Variants in ZNF248 observed in about 807,000 individuals in gnomAD.
ZNF248 encodes KRAB protein domain.
Under a neutral mutation model 44.3 loss-of-function variants are expected in ZNF248, and 20 were observed. The observed-to-expected ratio is 0.45, with a 90% confidence interval of 0.32 to 0.66. ZNF248 has a LOEUF of 0.66. Ranked by LOEUF, ZNF248 falls within the 30% of genes least tolerant of loss-of-function variation. The pLI is 0.04. For missense variants in ZNF248, 654 were observed against 677.0 expected, an observed-to-expected ratio of 0.97 and a Z score of 0.38; for synonymous variants, 224 against 229.0, an observed-to-expected ratio of 0.98 and a Z score of 0.20.
chr10:37,826,642 TA>T (rs1441057454), downstream of ZNF248, among the ~76,000 whole-genome samples: 1 of 152,176 alleles, frequency 6.6e-6, no homozygotes, highest in Non-Finnish European at 1.5e-5. Context: ...CTGAGAAAAC[TA>T]AAAACCATAC....
At chr10:37,813,486 ACTC>A (rs1673440405) in intron 6 of ZNF248, among the ~76,000 whole-genome samples, 1 of 151,632 alleles carries the variant, frequency 6.6e-6, no homozygotes, top group Non-Finnish European at 1.5e-5. Context: ...AGCAAGACTG[ACTC>A]CTCCTCTCCC....
chr10:37,789,512 C>G (rs986480428), intron 6 of ZNF248, among the ~76,000 whole-genome samples: 6 of 151,924 alleles, frequency 3.9e-5, no homozygotes, highest in African/African-American at 1.5e-4. Flanking sequence ...TTTGATAACC[C>G]CTTCTCAGTG....
chr10:37,856,371 C>T, intron 2 of ZNF248, 34 bp from the exon 3 acceptor site: 1 of 1,609,308 alleles, frequency 6.2e-7, no homozygotes, highest in Non-Finnish European at 8.5e-7. Flanking sequence ...GTCAGGAGAG[C>T]CTTCGCCGGC....
chr10:37,827,760 C>G (rs2054615037), downstream of ZNF248, among the ~76,000 whole-genome samples: 1 of 152,132 alleles, frequency 6.6e-6, no homozygotes, highest in Non-Finnish European at 1.5e-5. Flanking sequence ...CAGAAGCAAA[C>G]AGGGGTAGGG....
At chr10:37,849,788 G>A (rs1033947758) in intron 3 of ZNF248, among the ~76,000 whole-genome samples, 1 of 152,016 alleles carries the variant, frequency 6.6e-6, no homozygotes, top group African/African-American at 2.4e-5. Flanking sequence ...AAGAAGTTCA[G>A]GGGGCCGGAT....
Position 37,838,097 on chromosome 10 carries a change from G to A in ZNF248, c.30C>T (p.Phe10=). ...GAGTGAAGTCCACACATACATCCTT[G>A]AATGACACTTGTTCCTGTAATAGTA... MNKSQEQVS[F]KDVCVDFTQE... Residue 10 remains phenylalanine, a synonymous_variant, in exon 4 of 6, where the codon TTC becomes TTT. Transcript: ENST00000395867. The A allele has an allele frequency of 6.2e-7, 1 of 1,612,546 alleles. No individual in the cohort carries two copies. The highest frequency in any genetic ancestry group is 8.5e-7 in the Non-Finnish European group (1 of 1,179,112).
chr10:37,807,128 T>G (rs1029987028), intron 6 of ZNF248, among the ~76,000 whole-genome samples: 3 of 151,976 alleles, frequency 2.0e-5, no homozygotes, highest in Admixed American at 1.3e-4. Flanking sequence ...GGATTACAGG[T>G]ATGTGCCGCC....
chr10:37,803,475 G>A (rs1256174149), intron 6 of ZNF248: 1 of 152,212 alleles, frequency 6.6e-6, no homozygotes, highest in Admixed American at 6.5e-5. Flanking sequence ...AGTCTGCCAT[G>A]GTTTCTGCAT....
chr10:37,775,504 C>T (rs2046518294), downstream of ZNF248: 1 of 152,092 alleles, frequency 6.6e-6, no homozygotes, highest in Non-Finnish European at 1.5e-5. Flanking sequence ...TGGTTACACA[C>T]TCGTCTATGG....
At chr10:37,844,903 C>A (rs916384162) in intron 3 of ZNF248, among the ~76,000 whole-genome samples, 1 of 101,226 alleles carries the variant, frequency 9.9e-6, no homozygotes, top group Non-Finnish European at 2.2e-5. Flanking sequence ...CTTTCCTTTT[C>A]TTTTCCCTTC....
downstream of ZNF248, among the ~76,000 whole-genome samples, chr10:37,774,091 T>A (rs1564442347): frequency 6.6e-6 from 1 of 152,240 alleles, no homozygotes; most frequent in South Asian, 2.1e-4. Context: ...TTATTTTTCT[T>A]CATCTTAAAG....
At chr10:37,820,419 G>C in intron 6 of ZNF248, 1 of 1,541,460 alleles carries the variant, frequency 6.5e-7, no homozygotes, top group Non-Finnish European at 9.0e-7. Flanking sequence ...AGAGCAGACT[G>C]CTCCTCCGTT....
chr10:37,855,690 A>G (rs2061164731), intron 3 of ZNF248, among the ~76,000 whole-genome samples: 1 of 152,270 alleles, frequency 6.6e-6, no homozygotes, highest in South Asian at 2.1e-4. Context: ...TGCAAAGGCA[A>G]AAACATGCAC....
At chr10:37,767,620 A>G in the ZNF248 span, among the ~76,000 whole-genome samples, 2 of 152,302 alleles carry the variant, frequency 1.3e-5, no homozygotes, top group African/African-American at 2.4e-5. Context: ...AGCTCCTGAA[A>G]GACGCACTAA....
chr10:37,785,836 AGATT>A (rs1376395642), intron 6 of ZNF248, among the ~76,000 whole-genome samples: 4 of 152,238 alleles, frequency 2.6e-5, no homozygotes, highest in African/African-American at 9.6e-5. Context: ...ATTGGTAAAT[AGATT>A]GATTGGTTGG....
chr10:37,836,101 C>G (rs567364447), intron 5 of ZNF248, among the ~76,000 whole-genome samples: 51 of 152,202 alleles, frequency 3.4e-4, no homozygotes, highest in Non-Finnish European at 6.8e-4. Flanking sequence ...AATCTGAAAG[C>G]AAATGTTCTT....
chr10:37,810,260 G>T (rs2051281229), intron 6 of ZNF248, among the ~76,000 whole-genome samples: 1 of 152,094 alleles, frequency 6.6e-6, no homozygotes, highest in African/African-American at 2.4e-5. Flanking sequence ...TCCATTATTG[G>T]AACGACATAT....
intron 3 of ZNF248, among the ~76,000 whole-genome samples, chr10:37,852,579 C>T (rs992436514): frequency 6.0e-5 from 9 of 149,066 alleles, no homozygotes; most frequent in African/African-American, 1.7e-4. Flanking sequence ...AGTGGATAAA[C>T]GAATCTAATT....
chr10:37,833,936 G>C (rs190134900), intron 5 of ZNF248, among the ~76,000 whole-genome samples: 7 of 152,108 alleles, frequency 4.6e-5, no homozygotes, highest in Admixed American at 3.9e-4. Context: ...ATTAGGTTTG[G>C]CAGAGGTAAA....
Sources: gnomAD v4.1 joint callset for allele counts (sites outside exome capture counted in the v4.1 genomes callset) on GRCh38, gnomAD v4.1.1 for gene constraint, MANE v1.5 for transcripts, NCBI Gene and HGNC (gene_info 2026-07-23, HGNC 2026-07-21) for gene names.